The following MAP7D1 variants were observed in gnomAD, a reference collection of about 807,000 sequenced individuals.
MAP7D1 encodes MAP7 domain-containing protein 1.
In MAP7D1, 30 loss-of-function variants were observed where a neutral mutation model predicts 97.5. That is an observed-to-expected ratio of 0.31 (90% CI 0.23 to 0.42). The LOEUF (loss-of-function observed/expected upper bound fraction) is 0.42. Among genes scored for constraint, MAP7D1 ranks in the 10% least tolerant of loss-of-function variants. MAP7D1 has a pLI of 1.00. For missense variants in MAP7D1, 1,184 were observed against 1,179.5 expected, an observed-to-expected ratio of 1.00 and a Z score of -0.06; for synonymous variants, 536 against 477.1, an observed-to-expected ratio of 1.12 and a Z score of -1.61.
rs1354766332 is a variant in MAP7D1 at position 36,178,434 on chromosome 1, C to A, written c.1724C>A (p.Thr575Asn). The change falls in exon 10 of 17, where the codon ACC (threonine) becomes AAC (asparagine). Residue 575 changes from threonine (T) to asparagine (N), a missense_variant. Thr to Asn is a moderately conservative substitution (Grantham distance 65). Coordinates refer to ENST00000474796, the MANE Select transcript of MAP7D1 (RefSeq NM_001388490.1). Reference protein sequence around the residue: ...AETPTDAAVLTSPPAPAPPVT... With the variant: ...AETPTDAAVLNSPPAPAPPVT... The stretch of plus-strand genomic sequence containing the variant: ...CCCCCTCCAGACGCTGCTGTCTTGA[C>A]CTCACCCCCAGCCCCTGCTCCCCCG... 1 of 1,611,012 alleles carries A rather than the reference C, an allele frequency of 6.2e-7. No individual in the cohort carries two copies. The highest frequency in any genetic ancestry group is 1.1e-5 in the South Asian group (1 of 90,898).
intron 8 of MAP7D1, 55 bp from the exon 9 acceptor site, chr1:36,177,818 C>A: frequency 6.6e-7 from 1 of 1,519,572 alleles, no homozygotes. Flanking sequence ...GGAACAAGTT[C>A]TCAGCGTGTG....
chr1:36,156,313 G>C lies in MAP7D1; in HGVS notation c.-105G>C, dbSNP rs1170330759. 1.9e-5 allele frequency: 18 copies of C among 955,416 alleles called. No individual in the cohort carries two copies. Among genetic ancestry groups the C allele is most frequent in the South Asian group, 2.5e-5 (1 of 39,748 alleles). 59.2% of individuals were successfully genotyped at this position (955,416 alleles called of 1,614,324 possible). A position where few individuals can be genotyped will look rare whatever the true frequency, so the allele number is the denominator to read the frequency against. ...CCCGCCTCCGAGTCGCTACTTGCCG[G>C]GCCGGGCCGGGCCGGGCGTGATGCG... On this transcript the variant is annotated 5_prime_UTR_variant, in exon 1 of 17. Transcript: ENST00000474796.
At chr1:36,179,193 G>C (rs1644679657) in intron 12 of MAP7D1, 69 bp from the exon 13 acceptor site, 1 of 1,579,698 alleles carries the variant, frequency 6.3e-7, no homozygotes, top group East Asian at 2.2e-5. Context: ...CCGAGGCCGG[G>C]TCTGGCTGGT....
Position 36,179,916 on chromosome 1 carries a change from G to A in MAP7D1, c.2361G>A (p.Leu787=). ...KELPASLVNG[L]QPLPAHQENG... The stretch of plus-strand genomic sequence containing the variant: ...TGCCAGCGTCCCTGGTGAATGGCCT[G>A]CAGCCTCTCCCAGCACACCAGGAGA... The change falls in exon 16 of 17, where the codon CTG becomes CTA. Residue 787 remains leucine, a synonymous_variant. Transcript: ENST00000474796. 1 of 1,614,082 alleles carries A rather than the reference G, an allele frequency of 6.2e-7. No homozygotes were observed. The highest frequency in any genetic ancestry group is 8.5e-7 in the Non-Finnish European group (1 of 1,179,968).
At position 36,176,068 on chromosome 1, in the gene MAP7D1, TTGTGGGGAGAG is replaced by T. The variant is rs1644614472; in HGVS notation, c.851-130_851-120del. On this transcript the variant is annotated intron_variant, in intron 6 of 16. Transcript: ENST00000474796. This position sits in a 1 kb window ranked among gnomAD's most constrained non-coding sequence, Gnocchi z 6.1. ...GAGGACAAGTGTGGCCCCGGTGTGA[TTGTGGGGAGAG>T]GACTCCCGGGTGAGAAGCCTTGGCC... The T allele has an allele frequency of 2.1e-6, 2 of 952,382 alleles. No homozygotes were observed. Among genetic ancestry groups the T allele is most frequent in the Non-Finnish European group, 1.5e-6 (1 of 658,270 alleles). 59.0% of individuals were successfully genotyped at this position (952,382 alleles called of 1,614,324 possible).
In MAP7D1 at chr1:36,171,160, C is replaced by T; in HGVS notation, c.236C>T (p.Pro79Leu). The change falls in exon 2 of 17, where the codon CCA (proline) becomes CTA (leucine). Residue 79 changes from proline (P) to leucine (L), a missense_variant. Coordinates refer to ENST00000474796, the MANE Select transcript of MAP7D1 (RefSeq NM_001388490.1). ...ESPSGQVGPR[P>L]APPQEESPSS... is the part of the protein sequence containing the mutation. ...CCCTCAGGGCAGGTCGGGCCTAGGC[C>T]AGCCCCCCCGCAGGAAGAGTCCCCT... The T allele has an allele frequency of 2.5e-6, 4 of 1,613,964 alleles. No homozygotes were observed. Among genetic ancestry groups the T allele is most frequent in the East Asian group, 2.2e-5 (1 of 44,878 alleles).
Position 36,176,403 on chromosome 1 carries a change from C to T in MAP7D1, c.1055C>T (p.Thr352Ile), listed in dbSNP as rs754357187. ...GCGCGCGGGCCGCAACCCGACCGCA[C>T]TCATCCCTCTGCAGCCGTGCCGGTG... The part of the protein sequence containing the change: ...SLARGPQPDR[T>I]HPSAAVPVCP... The change falls in exon 7 of 17, where the codon ACT becomes ATT. Residue 352 changes from threonine (T) to isoleucine (I), a missense_variant. Thr to Ile is a moderately conservative substitution (Grantham distance 89). Transcript: ENST00000474796. This position sits in a 1 kb window ranked among gnomAD's most constrained non-coding sequence, Gnocchi z 6.1. 2.6e-6 allele frequency: 4 copies of T among 1,534,344 alleles called. No individual in the cohort carries two copies. The highest frequency in any genetic ancestry group is 2.4e-5 in the South Asian group (2 of 84,222).
At chr1:36,177,661 G>A in intron 8 of MAP7D1, 2 of 794,462 alleles carry the variant, frequency 2.5e-6, no homozygotes, top group East Asian at 2.7e-5. Context: ...ATTGGCGGGG[G>A]ACATACAATA....
rs753252655 is a variant in MAP7D1 at position 36,170,997 on chromosome 1, C to T, written c.73C>T (p.Pro25Ser). ...TGTGGTCGCCAGGACCCCCCCAGAG[C>T]CAAGACCTTCTCCAGAAGGTGACCC... The part of the protein sequence containing the change: ...PAVVARTPPE[P>S]RPSPEGDPSP... The change falls in exon 2 of 17, where the codon CCA (proline) becomes TCA (serine). Residue 25 changes from proline (P) to serine (S), a missense_variant. By Grantham distance (74) the Pro-to-Ser change is moderately conservative. Transcript: ENST00000474796. 24 of 1,539,138 alleles carry T rather than the reference C, an allele frequency of 1.6e-5. No individual in the cohort carries two copies. Among genetic ancestry groups the T allele is most frequent in the Middle Eastern group, 1.7e-4 (1 of 5,858 alleles).
intron 1 of MAP7D1, among the ~76,000 whole-genome samples, chr1:36,166,009 C>T (rs1307022493): frequency 1.3e-5 from 2 of 152,054 alleles, no homozygotes; most frequent in African/African-American, 4.8e-5. Flanking sequence ...GGATTACAGG[C>T]GTGAGCCACC....
In MAP7D1 at chr1:36,176,767, G is replaced by A. The variant is rs769909632; in HGVS notation, c.1304G>A (p.Arg435His). ...EKEKSALARE[R>H]SLKKRQSLPA... is the part of the protein sequence containing the mutation. ...GAGAAGAGTGCCCTAGCCCGGGAGC[G>A]CAGCCTCAAGAAGCGCCAGTCGCTG... Residue 435 changes from arginine to histidine, a missense_variant, in exon 8 of 17, where the codon CGC becomes CAC. Arg to His is a conservative substitution (Grantham distance 29). Transcript: ENST00000474796. This position sits in a 1 kb window ranked among gnomAD's most constrained non-coding sequence, Gnocchi z 6.1. 5.6e-6 allele frequency: 9 copies of A among 1,602,596 alleles called. No individual in the cohort carries two copies. Among genetic ancestry groups the A allele is most frequent in the East Asian group, 2.3e-5 (1 of 44,280 alleles).
At chr1:36,158,046 G>A (rs1394051768) in intron 1 of MAP7D1, among the ~76,000 whole-genome samples, 1 of 152,096 alleles carries the variant, frequency 6.6e-6, no homozygotes, top group African/African-American at 2.4e-5. Context: ...GGGATACAGA[G>A]CCTGAGCTGG....
chr1:36,157,254 A>T (rs2124192672), intron 1 of MAP7D1: 1 of 152,514 alleles, frequency 6.6e-6, no homozygotes, highest in Non-Finnish European at 1.5e-5. Context: ...CCTCCTTCCC[A>T]GCCTCTCTGG....
At chr1:36,173,092 A>C (rs1234648688) in intron 4 of MAP7D1, among the ~76,000 whole-genome samples, 1 of 152,208 alleles carries the variant, frequency 6.6e-6, no homozygotes, top group Non-Finnish European at 1.5e-5. Context: ...AGCCCCAGGT[A>C]GGGGGAGTCC....
intron 1 of MAP7D1, among the ~76,000 whole-genome samples, chr1:36,158,831 A>C (rs1644371755): frequency 1.3e-5 from 2 of 151,834 alleles, no homozygotes; most frequent in South Asian, 4.2e-4. Flanking sequence ...GGAATTAAAC[A>C]GTTTAAGTCT....
chr1:36,178,069 A>G lies in MAP7D1; in HGVS notation c.1576A>G (p.Lys526Glu). ...ESPSAAGPED[K>E]SQSKRRASNE... ...CCCCAGCGCCGCAGGGCCCGAGGAC[A>G]AGAGCCAGAGCAAGCGCAGGGCCAG... The change falls in exon 9 of 17, where the codon AAG (lysine) becomes GAG (glutamate). Residue 526 changes from lysine (K) to glutamate (E), a missense_variant. Transcript: ENST00000474796. 6.2e-7 allele frequency: 1 copy of G among 1,611,096 alleles called. No homozygotes were observed.
chr1:36,168,872 CTT>C (rs1030491372), intron 1 of MAP7D1, among the ~76,000 whole-genome samples: 1 of 151,996 alleles, frequency 6.6e-6, no homozygotes, highest in Non-Finnish European at 1.5e-5. Flanking sequence ...CAAATTACCT[CTT>C]TTTTTTGCTT....
At chr1:36,164,733 T>C (rs1644453499) in intron 1 of MAP7D1, among the ~76,000 whole-genome samples, 1 of 152,122 alleles carries the variant, frequency 6.6e-6, no homozygotes, top group Admixed American at 6.5e-5. Flanking sequence ...CACTGACAAG[T>C]TTCAAGTGGC....
intron 1 of MAP7D1, 30 bp downstream of exon 1, chr1:36,156,493 G>T: frequency 7.1e-7 from 1 of 1,414,580 alleles, no homozygotes; most frequent in Non-Finnish European, 9.2e-7. Context: ...GAGGCGAGAT[G>T]GGGGTAGATG....
Sources: gnomAD v4.1 joint callset for allele counts (sites outside exome capture counted in the v4.1 genomes callset) on GRCh38, gnomAD v4.1.1 for gene constraint, Gnocchi (gnomAD v3.1) non-coding constraint, MANE v1.5 for transcripts, NCBI Gene and HGNC (gene_info 2026-07-23, HGNC 2026-07-21) for gene names.